Variants in DRC3 observed in about 807,000 individuals in gnomAD.
DRC3 encodes dynein regulatory complex subunit 3.
DRC3 carries 45 observed loss-of-function variants against 57.6 expected under a neutral mutation model. The observed-to-expected ratio is 0.78, with a 90% confidence interval of 0.62 to 1.00. The LOEUF (loss-of-function observed/expected upper bound fraction) is 1.00. Among genes scored for constraint, DRC3 ranks in the 50% least tolerant of loss-of-function variants. The probability of loss-of-function intolerance (pLI) is 0.00; values close to 1 mark genes in which losing one functional copy is unlikely to be tolerated. For missense variants in DRC3, 655 were observed against 675.2 expected, an observed-to-expected ratio of 0.97 and a Z score of 0.33; for synonymous variants, 257 against 272.3, an observed-to-expected ratio of 0.94 and a Z score of 0.55.
chr17:18,010,536 C>T (rs553741146), intron 12 of DRC3: 1 of 152,788 alleles, frequency 6.5e-6, no homozygotes, highest in Non-Finnish European at 1.5e-5. Context: ...AAGAACAACG[C>T]TGGAGGCATC....
intron 3 of DRC3, among the ~76,000 whole-genome samples, chr17:17,982,589 T>C (rs1294320123): frequency 6.6e-6 from 1 of 150,680 alleles, no homozygotes; most frequent in African/African-American, 2.4e-5. Flanking sequence ...TCTTTTTTTT[T>C]TTTTTTTTGA....
In DRC3 at chr17:17,996,833, A is replaced by G. The variant is rs142203661; in HGVS notation, c.825-627A>G. Reference sequence around the variant, plus strand: ...TCAGTTTCCATCCCACAGGATCACCAAGGTCCTGTAGGCTTTACCTGGTTG... The same window carrying G: ...TCAGTTTCCATCCCACAGGATCACCGAGGTCCTGTAGGCTTTACCTGGTTG... On this transcript the variant is annotated intron_variant, in intron 8 of 13. Transcript: ENST00000399187. Among the ~76,000 whole-genome samples, 425 of 152,202 alleles carry G rather than the reference A, an allele frequency of 2.8e-3. 2 individuals carry two copies. Among genetic ancestry groups the G allele is most frequent in the African/African-American group, 9.8e-3 (407 of 41,518 alleles).
At chr17:17,989,178 T>C (rs1277187695) in intron 5 of DRC3, among the ~76,000 whole-genome samples, 2 of 152,128 alleles carry the variant, frequency 1.3e-5, no homozygotes, top group African/African-American at 4.8e-5. Context: ...AGGAAAAGGC[T>C]TCCCAGGAGG....
intron 4 of DRC3, among the ~76,000 whole-genome samples, chr17:17,985,839 ATT>A (rs2042932382): frequency 6.6e-6 from 1 of 152,162 alleles, no homozygotes; most frequent in Non-Finnish European, 1.5e-5. Flanking sequence ...CAGGCCTGGC[ATT>A]TGTTAGACCC....
At chr17:17,981,904 T>A (rs2042709318) in intron 3 of DRC3, among the ~76,000 whole-genome samples, 1 of 151,940 alleles carries the variant, frequency 6.6e-6, no homozygotes, top group African/African-American at 2.4e-5. Flanking sequence ...GCCAGGCTGG[T>A]CTCAAACTCC....
At chr17:18,001,484 T>C (rs1004397382) in intron 9 of DRC3, among the ~76,000 whole-genome samples, 2 of 151,842 alleles carry the variant, frequency 1.3e-5, no homozygotes, top group Non-Finnish European at 2.9e-5. Flanking sequence ...GCCTGGGCAA[T>C]AGAGTGAGAG....
intron 12 of DRC3, chr17:18,007,396 AG>A: frequency 6.4e-7 from 1 of 1,551,538 alleles, no homozygotes; most frequent in Middle Eastern, 1.7e-4. Flanking sequence ...ACTTTCCAAC[AG>A]GGTCGTTTCC....
intron 12 of DRC3, 127 bp downstream of exon 12, chr17:18,007,274 C>A: frequency 9.5e-7 from 1 of 1,057,012 alleles, no homozygotes; most frequent in South Asian, 1.5e-5. Flanking sequence ...CAAAAGGGCA[C>A]ACTAACCTGC....
intron 12 of DRC3, chr17:18,007,357 G>A: frequency 6.5e-7 from 1 of 1,543,876 alleles, no homozygotes; most frequent in Non-Finnish European, 8.8e-7. Flanking sequence ...CCCAGTTAAA[G>A]AGGAGCTCAT....
At chr17:17,988,998 C>T (rs138452482) in intron 5 of DRC3, among the ~76,000 whole-genome samples, 1 of 152,246 alleles carries the variant, frequency 6.6e-6, no homozygotes, top group African/African-American at 2.4e-5. Context: ...CAGGCTTTTG[C>T]AGGAATCAAG....
In DRC3 at chr17:18,016,602, G is replaced by C. The variant is rs778829224; in HGVS notation, c.1503G>C (p.Glu501Asp). 1 of 1,613,940 alleles carries C rather than the reference G, an allele frequency of 6.2e-7. No individual in the cohort carries two copies. Among genetic ancestry groups the C allele is most frequent in the East Asian group, 2.2e-5 (1 of 44,876 alleles). Residue 501 changes from glutamate to aspartate, a missense_variant, in exon 14 of 14, where the codon GAG becomes GAC. Coordinates refer to ENST00000399187, the MANE Select transcript of DRC3 (RefSeq NM_031294.4). ...EIMRNRKRVK[E>D]INQYIDHMQS... is the part of the protein sequence containing the mutation. ...TGAGGAACCGCAAGCGCGTGAAGGA[G>C]ATCAATCAGTACATCGACCACATGC...
chr17:17,992,677 C>CTT, intron 5 of DRC3, 88 bp from the exon 6 acceptor site: 3 of 1,432,054 alleles, frequency 2.1e-6, no homozygotes, highest in Non-Finnish European at 2.8e-6. Flanking sequence ...CAGGCTGACT[C>CTT]TGAAAGAGTA....
chr17:18,016,032 C>A (rs566959966), intron 12 of DRC3, 32 bp from the exon 13 acceptor site: 7 of 1,610,428 alleles, frequency 4.3e-6, no homozygotes, highest in Non-Finnish European at 5.1e-6. Context: ...TAATGACACA[C>A]ACTTTCTCAT....
intron 12 of DRC3, among the ~76,000 whole-genome samples, chr17:18,012,255 G>A (rs1192282851): frequency 1.3e-5 from 2 of 152,132 alleles, no homozygotes; most frequent in Non-Finnish European, 2.9e-5. Flanking sequence ...AACACTCACT[G>A]GGGAAAAGAC....
chr17:17,977,929 G>A (rs374816205), intron 3 of DRC3, 171 bp downstream of exon 3: 202 of 577,942 alleles, frequency 3.5e-4, no homozygotes, highest in African/African-American at 2.4e-3. Flanking sequence ...TTTGTAAAGC[G>A]TCATACTTAG....
chr17:17,988,323 A>C, intron 5 of DRC3: 1 of 552,294 alleles, frequency 1.8e-6, no homozygotes. Context: ...CAACCTCCAC[A>C]TTAGTGGCGG....
chr17:18,016,419 C>T, intron 13 of DRC3, 139 bp from the exon 14 acceptor site: 1 of 790,650 alleles, frequency 1.3e-6, no homozygotes, highest in Non-Finnish European at 2.0e-6. Flanking sequence ...CAGAGATCAG[C>T]AGAACCTGGG....
chr17:17,992,619 G>C (rs141147959), intron 5 of DRC3, 146 bp from the exon 6 acceptor site: 5 of 805,508 alleles, frequency 6.2e-6, no homozygotes. Flanking sequence ...ACACCCCCAC[G>C]CCTGCACACT....
At chr17:18,000,247 A>AGTGTGTGT (rs34029124) in intron 9 of DRC3, among the ~76,000 whole-genome samples, 2 of 58,468 alleles carry the variant, frequency 3.4e-5, no homozygotes, top group African/African-American at 1.2e-4. Flanking sequence ...CTTTCACGTG[A>AGTGTGTGT]GTGTGTGTGT....
Sources: allele counts gnomAD v4.1 joint callset (sites outside exome capture counted in the v4.1 genomes callset), GRCh38; gene constraint gnomAD v4.1.1; transcripts MANE v1.5; gene names NCBI Gene and HGNC (gene_info 2026-07-23, HGNC 2026-07-21).